Variants in LPIN2 observed in about 807,000 individuals in gnomAD.
LPIN2 encodes lipin 2, also known as phosphatidate phosphatase LPIN2.
Under a neutral mutation model 111.4 loss-of-function variants are expected in LPIN2, and 55 were observed. That is an observed-to-expected ratio of 0.49 (90% CI 0.40 to 0.62). LPIN2 has a LOEUF of 0.62. LPIN2 is among the 20% of genes least tolerant of loss of function. The probability of loss-of-function intolerance (pLI) is 0.00; values close to 1 mark genes in which losing one functional copy is unlikely to be tolerated. For synonymous variants in LPIN2, 425 were observed against 414.0 expected (o/e 1.03, Z -0.32); for missense variants, 992 against 1,112.1 (o/e 0.89, Z 1.54).
At chr18:2,955,857 G>C (rs1469169682) in intron 2 of LPIN2, among the ~76,000 whole-genome samples, 1 of 152,170 alleles carries the variant, frequency 6.6e-6, no homozygotes, top group African/African-American at 2.4e-5. Context: ...GGAGGCTGCA[G>C]TGAGCCGAGA....
intron 6 of LPIN2, among the ~76,000 whole-genome samples, chr18:2,938,269 A>G (rs924339457): frequency 1.3e-5 from 2 of 152,214 alleles, no homozygotes; most frequent in African/African-American, 4.8e-5. Context: ...CACGCCTATA[A>G]TCCCAGCACT....
chr18:3,011,992 T>A (rs1172205754), intron 1 of LPIN2: 1 of 152,238 alleles, frequency 6.6e-6, no homozygotes, highest in Non-Finnish European at 1.5e-5. Flanking sequence ...CGTTAAAACA[T>A]AAACCAGTAT....
intron 1 of LPIN2, among the ~76,000 whole-genome samples, chr18:2,968,537 T>C (rs1025720311): frequency 5.9e-5 from 9 of 151,894 alleles, no homozygotes; most frequent in African/African-American, 2.2e-4. Context: ...ATAATGCTAT[T>C]TGGGAGACTG....
At chr18:2,924,973 G>A (rs143897401) in intron 14 of LPIN2, among the ~76,000 whole-genome samples, 11 of 152,334 alleles carry the variant, frequency 7.2e-5, no homozygotes, top group East Asian at 1.9e-4. Flanking sequence ...GGTTAGCTGT[G>A]TACGACTGAC....
intron 1 of LPIN2, chr18:2,991,180 T>C (rs979585838): frequency 8.4e-6 from 2 of 239,416 alleles, no homozygotes; most frequent in African/African-American, 4.4e-5. Flanking sequence ...CTTATCAGTC[T>C]GATACAGAAA....
chr18:2,959,492 T>C (rs1031136731), intron 2 of LPIN2, among the ~76,000 whole-genome samples: 1 of 152,236 alleles, frequency 6.6e-6, no homozygotes, highest in South Asian at 2.1e-4. Context: ...GGCTCTTTTG[T>C]TGTGCTTTAA....
Position 2,925,113 on chromosome 18 carries a change from G to A in LPIN2, c.1938+111C>T. On this transcript the variant is annotated intron_variant, in intron 14 of 19. Coordinates refer to ENST00000677752, the MANE Select transcript of LPIN2 (RefSeq NM_001375808.2). The surrounding 1 kb of genome is among the most constrained non-coding windows in gnomAD (Gnocchi z 4.1). ...TGTGGATAGGCATTGACACGACCAT[G>A]CCGTGTGGCGTGTATGCAGCTGGGG... 1 of 1,377,640 alleles carries A rather than the reference G, an allele frequency of 7.3e-7. No homozygotes were observed. Among genetic ancestry groups the A allele is most frequent in the South Asian group, 1.2e-5 (1 of 84,308 alleles). The allele number at this position is 1,377,640 out of a possible 1,614,324, so 85.3% of individuals were successfully genotyped here. A position where few individuals can be genotyped will look rare whatever the true frequency, so the allele number is the denominator to read the frequency against.
chr18:2,940,015 A>G (rs1218532580), intron 5 of LPIN2, among the ~76,000 whole-genome samples: 1 of 152,204 alleles, frequency 6.6e-6, no homozygotes, highest in Non-Finnish European at 1.5e-5. Context: ...GTTGACACTA[A>G]AAGATGAGAA....
intron 1 of LPIN2, among the ~76,000 whole-genome samples, chr18:2,999,721 A>C (rs1178851399): frequency 1.3e-5 from 2 of 152,156 alleles, no homozygotes; most frequent in African/African-American, 4.8e-5. Context: ...AAGGAACGCC[A>C]AAGGCTGCCA....
chr18:2,953,216 ATTT>A, intron 3 of LPIN2, among the ~76,000 whole-genome samples: 1 of 152,306 alleles, frequency 6.6e-6, no homozygotes, highest in Middle Eastern at 3.4e-3. Context: ...GCTGAGCATA[ATTT>A]TTAGCGGAAC....
intron 3 of LPIN2, among the ~76,000 whole-genome samples, chr18:2,952,364 T>C (rs923531111): frequency 6.6e-6 from 1 of 152,146 alleles, no homozygotes; most frequent in East Asian, 1.9e-4. Flanking sequence ...GGGGAGGTTG[T>C]AGTGAGCCGA....
intron 1 of LPIN2, among the ~76,000 whole-genome samples, chr18:2,974,206 A>G (rs1290156647): frequency 1.3e-5 from 2 of 152,116 alleles, no homozygotes; most frequent in African/African-American, 2.4e-5. Flanking sequence ...CCTCCTCAGT[A>G]GCTGGGATTA....
At chr18:3,000,035 T>G (rs1455007861) in intron 1 of LPIN2, among the ~76,000 whole-genome samples, 3 of 148,098 alleles carry the variant, frequency 2.0e-5, no homozygotes, top group African/African-American at 7.6e-5. Flanking sequence ...GTTTTGTTTT[T>G]TTTTTTCTTT....
chr18:2,963,253 G>A (rs550430878), intron 1 of LPIN2, among the ~76,000 whole-genome samples: 14 of 152,322 alleles, frequency 9.2e-5, no homozygotes, highest in Admixed American at 4.6e-4. Context: ...CTTCCTCACC[G>A]TTAGTTACGT....
chr18:2,921,455 G>T, intron 18 of LPIN2, 78 bp downstream of exon 18: 3 of 1,053,346 alleles, frequency 2.8e-6, no homozygotes, highest in East Asian at 2.4e-5. Context: ...TTTGAGAATT[G>T]GGACGTGGCT....
At chr18:2,980,479 G>C (rs1313965953) in intron 1 of LPIN2, among the ~76,000 whole-genome samples, 1 of 152,126 alleles carries the variant, frequency 6.6e-6, no homozygotes, top group African/African-American at 2.4e-5. Flanking sequence ...ATCCTGGGTG[G>C]ACTAAGGTTT....
At chr18:2,995,929 C>T (rs1485257606) in intron 1 of LPIN2, among the ~76,000 whole-genome samples, 1 of 152,154 alleles carries the variant, frequency 6.6e-6, no homozygotes, top group Admixed American at 6.5e-5. Context: ...TGGTCATATT[C>T]CTTCACAGTC....
chr18:2,955,578 T>C (rs1459319632), intron 2 of LPIN2, among the ~76,000 whole-genome samples: 1 of 152,152 alleles, frequency 6.6e-6, no homozygotes, highest in African/African-American at 2.4e-5. Flanking sequence ...GGAGGGGACA[T>C]CCAAACCTTA....
intron 1 of LPIN2, among the ~76,000 whole-genome samples, chr18:3,003,676 T>G (rs893228204): frequency 2.6e-4 from 39 of 152,220 alleles, no homozygotes; most frequent in African/African-American, 8.7e-4. Flanking sequence ...TCACGTTATC[T>G]TCATAAGCTG....
Sources: gnomAD v4.1 joint callset for allele counts (sites outside exome capture counted in the v4.1 genomes callset) on GRCh38, gnomAD v4.1.1 for gene constraint, Gnocchi (gnomAD v3.1) non-coding constraint, MANE v1.5 for transcripts, NCBI Gene and HGNC (gene_info 2026-07-23, HGNC 2026-07-21) for gene names.